Variants in KCNJ3 observed in about 807,000 individuals in gnomAD.
The protein encoded by KCNJ3 is potassium inwardly rectifying channel subfamily J member 3, also known as G protein-activated inward rectifier potassium channel 1.
KCNJ3 carries 4 observed loss-of-function variants against 39.2 expected under a neutral mutation model. That is an observed-to-expected ratio of 0.10 (90% CI 0.05 to 0.23). The LOEUF is 0.23. Among genes scored for constraint, KCNJ3 ranks in the 10% least tolerant of loss-of-function variants. The pLI, the probability that KCNJ3 is intolerant of heterozygous loss-of-function variation, is 1.00. For missense variants in KCNJ3, 276 were observed against 634.9 expected, an observed-to-expected ratio of 0.43 and a Z score of 6.08; for synonymous variants, 230 against 237.4, an observed-to-expected ratio of 0.97 and a Z score of 0.29.
intron 2 of KCNJ3, among the ~76,000 whole-genome samples, chr2:154,724,683 C>T (rs1685318264): frequency 6.6e-6 from 1 of 151,684 alleles, no homozygotes; most frequent in South Asian, 2.1e-4. Flanking sequence ...TGCCATTCTC[C>T]AATATAATGT....
rs192807403 is a variant in KCNJ3, at chr2:154,699,606, G to T, written c.702+129G>T. Reference sequence around the variant, plus strand: ...ATAGCCACAGGTAAACTTCCTTTTGGGGGGTTGGGGGTTGGAGGACTGGGC... The same window carrying T: ...ATAGCCACAGGTAAACTTCCTTTTGTGGGGTTGGGGGTTGGAGGACTGGGC... On this transcript the variant is annotated intron_variant, in intron 1 of 2. Transcript: ENST00000295101. This position sits in a 1 kb window ranked among gnomAD's most constrained non-coding sequence, Gnocchi z 6.4. The T allele has an allele frequency of 2.9e-6, 4 of 1,361,358 alleles. No individual in the cohort carries two copies. In the East Asian group the frequency reaches 1.0e-4, roughly 34 times the overall value. 84.3% of individuals were successfully genotyped at this position (1,361,358 alleles called of 1,614,324 possible).
chr2:154,796,499 T>C (rs1327917661), intron 2 of KCNJ3, among the ~76,000 whole-genome samples: 1 of 152,096 alleles, frequency 6.6e-6, no homozygotes, highest in Non-Finnish European at 1.5e-5. Flanking sequence ...AGCGATACCT[T>C]TTGGGCATTA....
intron 2 of KCNJ3, among the ~76,000 whole-genome samples, chr2:154,796,336 A>G (rs1686720714): frequency 1.3e-5 from 2 of 152,154 alleles, no homozygotes; most frequent in African/African-American, 4.8e-5. Flanking sequence ...ACCCCTTCAT[A>G]CAAAATTAAA....
At chr2:154,783,135 C>T (rs545044681) in intron 2 of KCNJ3, among the ~76,000 whole-genome samples, 10 of 152,054 alleles carry the variant, frequency 6.6e-5, no homozygotes, top group Admixed American at 5.2e-4. Flanking sequence ...CCAAGATTGC[C>T]CACTGCACTC....
intron 2 of KCNJ3, among the ~76,000 whole-genome samples, chr2:154,853,086 A>G (rs1424503801): frequency 6.6e-6 from 1 of 151,926 alleles, no homozygotes; most frequent in Non-Finnish European, 1.5e-5. Context: ...TAAATTCCTT[A>G]TCTTTAAAAT....
intron 1 of KCNJ3, 183 bp from the exon 2 acceptor site, chr2:154,709,420 C>T (rs1685066814): frequency 3.3e-6 from 2 of 611,098 alleles, no homozygotes; most frequent in South Asian, 2.0e-5. Flanking sequence ...CATGTATGTT[C>T]CGCATGAGCT....
In KCNJ3 at chr2:154,702,907, G is replaced by A. The variant is rs1487585426; in HGVS notation, c.702+3430G>A. On this transcript the variant is annotated intron_variant, in intron 1 of 2. Coordinates refer to ENST00000295101, the MANE Select transcript of KCNJ3 (RefSeq NM_002239.4). The stretch of plus-strand genomic sequence containing the variant: ...TCTTTTTGTTTTACCCAGAAAATAA[G>A]GACTAACTAGTATCATGGCTATGCT... Among the ~76,000 whole-genome samples the A allele has an allele frequency of 2.0e-5, 3 of 151,776 alleles. No homozygotes were observed. In the East Asian group the frequency reaches 5.8e-4, roughly 29 times the overall value.
chr2:154,748,366 G>A (rs989846862), intron 2 of KCNJ3, among the ~76,000 whole-genome samples: 4 of 152,024 alleles, frequency 2.6e-5, no homozygotes, highest in African/African-American at 7.2e-5. Flanking sequence ...AAAATACATG[G>A]GCATATTGAA....
At chr2:154,823,429 G>A (rs1379764192) in intron 2 of KCNJ3, among the ~76,000 whole-genome samples, 1 of 148,844 alleles carries the variant, frequency 6.7e-6, no homozygotes, top group Non-Finnish European at 1.5e-5. Flanking sequence ...TTTACATCGA[G>A]TCAATGACTA....
intron 2 of KCNJ3, among the ~76,000 whole-genome samples, chr2:154,793,029 GTTTTATGGGAACAGAA>G (rs749407800): frequency 6.6e-6 from 1 of 152,034 alleles, no homozygotes; most frequent in Non-Finnish European, 1.5e-5. Context: ...TACATGGTTT[GTTTTATGGGAACAGAA>G]TAAATTTAGG....
intron 2 of KCNJ3, among the ~76,000 whole-genome samples, chr2:154,710,451 T>C (rs1685084374): frequency 6.6e-6 from 1 of 152,196 alleles, no homozygotes; most frequent in Middle Eastern, 3.2e-3. Context: ...CCAATATAAC[T>C]TGGTATGCCC....
chr2:154,846,489 A>G (rs556814543), intron 2 of KCNJ3, among the ~76,000 whole-genome samples: 88 of 152,266 alleles, frequency 5.8e-4, no homozygotes, highest in South Asian at 1.2e-3. Flanking sequence ...TACATTATAT[A>G]TTTTATCTAG....
intron 2 of KCNJ3, among the ~76,000 whole-genome samples, chr2:154,723,519 A>G (rs1457472251): frequency 1.3e-5 from 2 of 152,186 alleles, no homozygotes; most frequent in African/African-American, 4.8e-5. Context: ...TGATCAGGAG[A>G]TCGCTGGGAT....
At chr2:154,826,047 T>C (rs1397861245) in intron 2 of KCNJ3, among the ~76,000 whole-genome samples, 1 of 152,164 alleles carries the variant, frequency 6.6e-6, no homozygotes, top group African/African-American at 2.4e-5. Flanking sequence ...AAATCCTTGA[T>C]AATACTTCTC....
At chr2:154,721,287 T>C (rs1021130626) in intron 2 of KCNJ3, among the ~76,000 whole-genome samples, 26 of 152,186 alleles carry the variant, frequency 1.7e-4, no homozygotes, top group Non-Finnish European at 3.4e-4. Flanking sequence ...TTGAACTTTC[T>C]ATGTCCCATG....
chr2:154,713,249 T>C (rs1685129702), intron 2 of KCNJ3, among the ~76,000 whole-genome samples: 1 of 152,152 alleles, frequency 6.6e-6, no homozygotes, highest in East Asian at 1.9e-4. Context: ...ATGTAGTTAA[T>C]TTAAAAATTA....
At chr2:154,832,016 AAG>A (rs1381724575) in intron 2 of KCNJ3, among the ~76,000 whole-genome samples, 1 of 152,108 alleles carries the variant, frequency 6.6e-6, no homozygotes, top group African/African-American at 2.4e-5. Flanking sequence ...CAAAGGAAGC[AAG>A]AGAGAGAGGG....
At chr2:154,818,782 T>A (rs529544259) in intron 2 of KCNJ3, among the ~76,000 whole-genome samples, 74 of 152,304 alleles carry the variant, frequency 4.9e-4, no homozygotes, top group South Asian at 6.2e-4. Flanking sequence ...TGCATGGAAG[T>A]TTCAAAACAT....
chr2:154,747,602 A>G (rs1157369891), intron 2 of KCNJ3, among the ~76,000 whole-genome samples: 1 of 151,968 alleles, frequency 6.6e-6, no homozygotes, highest in African/African-American at 2.4e-5. Context: ...CCCCATCTCC[A>G]TTATAAGTAA....
Sources: gnomAD v4.1 joint callset for allele counts (sites outside exome capture counted in the v4.1 genomes callset) on GRCh38, gnomAD v4.1.1 for gene constraint, Gnocchi (gnomAD v3.1) non-coding constraint, MANE v1.5 for transcripts, NCBI Gene and HGNC (gene_info 2026-07-23, HGNC 2026-07-21) for gene names.